Variants in TAF1B observed in about 807,000 individuals in gnomAD.
TAF1B encodes the protein TATA-box binding protein associated factor, RNA polymerase I subunit B.
In TAF1B, 61 loss-of-function variants were observed where a neutral mutation model predicts 83.9. The ratio of observed to expected loss-of-function variants is 0.73; its 90% confidence interval spans 0.59 to 0.90. The LOEUF (loss-of-function observed/expected upper bound fraction) is 0.90, where lower values mean the gene tolerates loss of function less well. Among genes scored for constraint, TAF1B ranks in the 40% least tolerant of loss-of-function variants. The probability of loss-of-function intolerance (pLI) is 0.00; values close to 1 mark genes in which losing one functional copy is unlikely to be tolerated. For synonymous variants in TAF1B, 221 were observed against 224.6 expected (o/e 0.98, Z 0.14); for missense variants, 625 against 677.0 (o/e 0.92, Z 0.85).
chr2:9,877,184 ACT>A (rs1304712502), intron 7 of TAF1B, among the ~76,000 whole-genome samples: 1 of 151,938 alleles, frequency 6.6e-6, no homozygotes, highest in Non-Finnish European at 1.5e-5. Flanking sequence ...TATACTGATG[ACT>A]CTCAAATTTA....
At chr2:9,923,627 C>T (rs552884139) in intron 14 of TAF1B, among the ~76,000 whole-genome samples, 9 of 151,334 alleles carry the variant, frequency 5.9e-5, no homozygotes, top group Non-Finnish European at 1.0e-4. Context: ...TGCAGTGAGC[C>T]GAGATCACGC....
At chr2:9,862,995 A>G (rs1471622106) in intron 5 of TAF1B, among the ~76,000 whole-genome samples, 1 of 152,218 alleles carries the variant, frequency 6.6e-6, no homozygotes, top group Non-Finnish European at 1.5e-5. Flanking sequence ...AAAACATGCC[A>G]AATTGTAAAG....
chr2:9,861,829 C>T (rs1215929893), intron 5 of TAF1B, among the ~76,000 whole-genome samples: 1 of 152,218 alleles, frequency 6.6e-6, no homozygotes. Flanking sequence ...GATACCCAGG[C>T]AAACAGGGTC....
intron 8 of TAF1B, among the ~76,000 whole-genome samples, chr2:9,887,154 TCA>T (rs1470796634): frequency 2.0e-5 from 3 of 152,220 alleles, no homozygotes; most frequent in South Asian, 2.1e-4. Flanking sequence ...TGACGGCAAT[TCA>T]CAGTTTCAAC....
chr2:9,876,032 C>G lies in TAF1B; in HGVS notation c.707+14C>G. 1 of 1,580,578 alleles carries G rather than the reference C, an allele frequency of 6.3e-7. No individual in the cohort carries two copies. Among genetic ancestry groups the G allele is most frequent in the Non-Finnish European group, 8.6e-7 (1 of 1,156,236 alleles). Reference sequence around the variant, plus strand: ...AGATCTTTTGAGGTTAGCTAGACCTCTTGTATGATAATATTTTTGCTGGTT... The same window carrying G: ...AGATCTTTTGAGGTTAGCTAGACCTGTTGTATGATAATATTTTTGCTGGTT... On this transcript the variant is annotated intron_variant, in intron 7 of 14. Transcript: ENST00000263663.
chr2:9,869,679 C>T (rs573181711), intron 6 of TAF1B, among the ~76,000 whole-genome samples: 8 of 151,358 alleles, frequency 5.3e-5, no homozygotes, highest in Middle Eastern at 3.4e-3. Context: ...AGTTTGAGAC[C>T]AGCCTGGCCA....
At chr2:9,909,143 T>G (rs1420420309) in intron 9 of TAF1B, among the ~76,000 whole-genome samples, 1 of 152,274 alleles carries the variant, frequency 6.6e-6, no homozygotes, top group Non-Finnish European at 1.5e-5. Flanking sequence ...AGAAATTAAT[T>G]TTGTGTTTTA....
At chr2:9,867,759 A>G (rs1390137652) in intron 5 of TAF1B, among the ~76,000 whole-genome samples, 1 of 152,208 alleles carries the variant, frequency 6.6e-6, no homozygotes, top group East Asian at 1.9e-4. Flanking sequence ...TGTTGATTAC[A>G]TGTTACAAAT....
chr2:9,877,109 A>G lies in TAF1B; in HGVS notation c.707+1091A>G, dbSNP rs1409813125. The stretch of plus-strand genomic sequence containing the variant: ...AGTGAATTTTACTATTAATTTAAAA[A>G]CCTGATCTTGTTTTGTATGCCCCCA... On this transcript the variant is annotated intron_variant, in intron 7 of 14. Transcript: ENST00000263663. Among the ~76,000 whole-genome samples the G allele has an allele frequency of 7.5e-4, 114 of 152,200 alleles. 1 individual carries two copies. The highest frequency in any genetic ancestry group is 8.8e-5 in the Non-Finnish European group (6 of 67,994).
Position 9,874,998 on chromosome 2 carries a change from C to T in TAF1B, c.554-867C>T, listed in dbSNP as rs936014625. Among the ~76,000 whole-genome samples, 20 of 150,024 alleles carry T rather than the reference C, an allele frequency of 1.3e-4. 1 individual carries two copies. Among genetic ancestry groups the T allele is most frequent in the African/African-American group, 4.7e-4 (19 of 40,644 alleles). On this transcript the variant is annotated intron_variant, in intron 6 of 14. Coordinates refer to ENST00000263663, the MANE Select transcript of TAF1B (RefSeq NM_005680.3). ...TTCTTTTTGGAGACAGAGTCTTGCT[C>T]TGTTACCCAGGTTGGATGGAGTGCA...
chr2:9,913,035 A>C, intron 11 of TAF1B, 124 bp from the exon 12 acceptor site: 2 of 707,442 alleles, frequency 2.8e-6, no homozygotes, highest in East Asian at 5.2e-5. Context: ...TCTAATGTCT[A>C]CATCTTGATC....
chr2:9,845,001 TCA>T (rs1663157187), intron 1 of TAF1B, among the ~76,000 whole-genome samples: 1 of 152,206 alleles, frequency 6.6e-6, no homozygotes, highest in South Asian at 2.1e-4. Context: ...TTTTTTCCTG[TCA>T]CACTGCATAT....
intron 8 of TAF1B, among the ~76,000 whole-genome samples, chr2:9,889,412 T>C (rs1301462684): frequency 6.6e-6 from 1 of 152,208 alleles, no homozygotes; most frequent in Non-Finnish European, 1.5e-5. Flanking sequence ...TCATTTCAGA[T>C]ACTACATTTT....
chr2:9,899,823 A>G (rs1263399036), intron 8 of TAF1B, among the ~76,000 whole-genome samples: 2 of 152,230 alleles, frequency 1.3e-5, no homozygotes, highest in Non-Finnish European at 2.9e-5. Context: ...GCATAAACAT[A>G]TTTGCAAAAT....
chr2:9,895,813 CTTTT>C (rs34044860), intron 8 of TAF1B, among the ~76,000 whole-genome samples: 77 of 112,454 alleles, frequency 6.8e-4, no homozygotes, highest in African/African-American at 2.3e-3. Flanking sequence ...GCACTGCACT[CTTTT>C]TTTTTTTTTT....
At chr2:9,886,220 AG>A (rs1664670611) in intron 8 of TAF1B, among the ~76,000 whole-genome samples, 1 of 151,760 alleles carries the variant, frequency 6.6e-6, no homozygotes. Context: ...AAAAAAAAAA[AG>A]ACATACCATT....
intron 8 of TAF1B, among the ~76,000 whole-genome samples, chr2:9,903,892 A>T (rs925973638): frequency 6.6e-6 from 1 of 152,234 alleles, no homozygotes; most frequent in Non-Finnish European, 1.5e-5. Flanking sequence ...GAGTTTTAAG[A>T]GCCAAATAGA....
At position 9,854,292 on chromosome 2, in the gene TAF1B, G is replaced by A. The variant is rs374456324; in HGVS notation, c.304-34G>A. 113 of 1,512,998 alleles carry A rather than the reference G, an allele frequency of 7.5e-5. No homozygotes were observed. In the African/African-American group the frequency reaches 1.4e-3, roughly 19 times the overall value. 93.7% of individuals were successfully genotyped at this position (1,512,998 alleles called of 1,614,324 possible). A position where few individuals can be genotyped will look rare whatever the true frequency, so the allele number is the denominator to read the frequency against. The stretch of plus-strand genomic sequence containing the variant: ...GCCTGTACATTTGTTGTCATAACCT[G>A]AATCACCCACCACTCATTTCCCTTC... On this transcript the variant is annotated intron_variant, in intron 4 of 14. Coordinates refer to ENST00000263663, the MANE Select transcript of TAF1B (RefSeq NM_005680.3).
intron 8 of TAF1B, among the ~76,000 whole-genome samples, chr2:9,904,439 G>C (rs1391246770): frequency 6.6e-6 from 1 of 152,170 alleles, no homozygotes; most frequent in Non-Finnish European, 1.5e-5. Flanking sequence ...ACATGATCTT[G>C]TTCTTAGGGC....
Sources: allele counts gnomAD v4.1 joint callset (sites outside exome capture counted in the v4.1 genomes callset), GRCh38; gene constraint gnomAD v4.1.1; transcripts MANE v1.5; gene names NCBI Gene and HGNC (gene_info 2026-07-23, HGNC 2026-07-21).